Variants in FSTL5 observed in about 807,000 individuals in gnomAD.
FSTL5 encodes the protein follistatin like 5, also known as follistatin-related protein 5.
A neutral mutation model predicts 89.1 loss-of-function variants in FSTL5; 62 were observed. The observed-to-expected ratio is 0.70, with a 90% CI of 0.57 to 0.86. The LOEUF is 0.86. Among genes scored for constraint, FSTL5 ranks in the 40% least tolerant of loss-of-function variants. The pLI, the probability that FSTL5 is intolerant of heterozygous loss-of-function variation, is 0.00. For synonymous variants in FSTL5, 383 were observed against 346.2 expected (o/e 1.11, Z -1.18); for missense variants, 1,057 against 1,001.6 (o/e 1.06, Z -0.75).
At chr4:161,536,255 AC>A (rs1402613952) in intron 10 of FSTL5, among the ~76,000 whole-genome samples, 1 of 152,174 alleles carries the variant, frequency 6.6e-6, no homozygotes. Context: ...ATTATTGAAA[AC>A]ATAAAAATAA....
chr4:161,831,480 T>A (rs1730842651), intron 4 of FSTL5, among the ~76,000 whole-genome samples: 1 of 151,730 alleles, frequency 6.6e-6, no homozygotes, highest in African/African-American at 2.4e-5. Flanking sequence ...GAAATAAAAT[T>A]GAAAGTTTTA....
intron 3 of FSTL5, among the ~76,000 whole-genome samples, chr4:162,020,285 C>G (rs1190454849): frequency 6.6e-6 from 1 of 151,854 alleles, no homozygotes; most frequent in Non-Finnish European, 1.5e-5. Context: ...TTGAACAAAA[C>G]AGATTCAAGG....
At chr4:162,044,731 C>T (rs1353253145) in intron 2 of FSTL5, among the ~76,000 whole-genome samples, 1 of 152,180 alleles carries the variant, frequency 6.6e-6, no homozygotes, top group Non-Finnish European at 1.5e-5. Flanking sequence ...TTCTTAATAA[C>T]TTTCTGCAAT....
chr4:162,088,530 C>T (rs1000212271), intron 2 of FSTL5, among the ~76,000 whole-genome samples: 1 of 152,066 alleles, frequency 6.6e-6, no homozygotes, highest in Admixed American at 6.6e-5. Context: ...TGACTATTTT[C>T]ATGCATATTT....
At chr4:162,081,412 C>T (rs530816720) in intron 2 of FSTL5, among the ~76,000 whole-genome samples, 3 of 151,518 alleles carry the variant, frequency 2.0e-5, no homozygotes, top group South Asian at 2.1e-4. Context: ...CCTGGCACTT[C>T]GTTACTCAAA....
chr4:161,505,316 C>G (rs185496173), intron 11 of FSTL5, among the ~76,000 whole-genome samples: 1 of 152,288 alleles, frequency 6.6e-6, no homozygotes, highest in African/African-American at 2.4e-5. Flanking sequence ...AGAGCAAAAT[C>G]ATACCATTGC....
chr4:161,404,060 A>G, intron 15 of FSTL5, among the ~76,000 whole-genome samples: 1 of 152,210 alleles, frequency 6.6e-6, no homozygotes, highest in East Asian at 1.9e-4. Context: ...GAGTTCACAG[A>G]GTGGAATTTG....
chr4:161,821,044 T>C (rs1330335124), intron 4 of FSTL5, among the ~76,000 whole-genome samples: 1 of 152,120 alleles, frequency 6.6e-6, no homozygotes, highest in Non-Finnish European at 1.5e-5. Flanking sequence ...TCTTTGTTTG[T>C]TTGTTTGTTT....
intron 7 of FSTL5, among the ~76,000 whole-genome samples, chr4:161,588,608 TTGCCAAAATCAATTTTTTTC>T (rs1733700551): frequency 6.6e-6 from 1 of 152,104 alleles, no homozygotes; most frequent in African/African-American, 2.4e-5. Flanking sequence ...CTGGCAAAAA[TTGCCAAAATCAATTTTTTTC>T]AGAATTCTGG....
chr4:161,781,222 A>C (rs1480788658), intron 4 of FSTL5, among the ~76,000 whole-genome samples: 1 of 152,076 alleles, frequency 6.6e-6, no homozygotes, highest in African/African-American at 2.4e-5. Context: ...TGCATATATG[A>C]ATCAAATTCA....
At chr4:162,051,988 T>G (rs1738393624) in intron 2 of FSTL5, among the ~76,000 whole-genome samples, 1 of 151,480 alleles carries the variant, frequency 6.6e-6, no homozygotes. Context: ...ATAAACAAAA[T>G]TTGAATTAGA....
chr4:161,615,492 A>T (rs1253439668), intron 7 of FSTL5, among the ~76,000 whole-genome samples: 1 of 151,220 alleles, frequency 6.6e-6, no homozygotes. Context: ...GGCCTTCTAA[A>T]TAAATATGCA....
At chr4:161,867,282 T>A (rs1416060534) in intron 4 of FSTL5, among the ~76,000 whole-genome samples, 1 of 152,036 alleles carries the variant, frequency 6.6e-6, no homozygotes, top group African/African-American at 2.4e-5. Flanking sequence ...ATAAACTATA[T>A]ACTCTCTTAA....
At chr4:161,873,640 A>G (rs574890843) in intron 4 of FSTL5, among the ~76,000 whole-genome samples, 2 of 148,078 alleles carry the variant, frequency 1.4e-5, no homozygotes, top group South Asian at 4.3e-4. Flanking sequence ...TATGTCCACT[A>G]CTTATTTTAA....
At chr4:161,998,943 G>T (rs888073393) in intron 3 of FSTL5, among the ~76,000 whole-genome samples, 3 of 151,594 alleles carry the variant, frequency 2.0e-5, no homozygotes, top group South Asian at 2.1e-4. Context: ...TGTTTTGTCA[G>T]TCTAAAGATC....
intron 6 of FSTL5, among the ~76,000 whole-genome samples, chr4:161,740,486 A>C (rs546019484): frequency 3.3e-5 from 5 of 152,256 alleles, no homozygotes; most frequent in African/African-American, 9.6e-5. Context: ...AAAAAAAAGC[A>C]AGTCCAAACA....
At position 161,890,602 on chromosome 4, in the gene FSTL5, C is replaced by T. The variant is rs140702857; in HGVS notation, c.409+29802G>A. The stretch of plus-strand genomic sequence containing the variant: ...ACTCAGGAGGCTGAGGCAGGAGAAT[C>T]GCTTGAACCCGGGTGGTGGAGGTTA... On this transcript the variant is annotated intron_variant, in intron 4 of 15. Coordinates refer to ENST00000306100, the MANE Select transcript of FSTL5 (RefSeq NM_020116.5). Among the ~76,000 whole-genome samples, 913 of 148,874 alleles carry T rather than the reference C, an allele frequency of 6.1e-3. 13 individuals are homozygous for T. Among genetic ancestry groups the T allele is most frequent in the African/African-American group, 0.022 (878 of 40,486 alleles).
intron 8 of FSTL5, among the ~76,000 whole-genome samples, chr4:161,552,014 C>T (rs921920150): frequency 6.6e-6 from 1 of 151,968 alleles, no homozygotes; most frequent in Non-Finnish European, 1.5e-5. Context: ...AGAGCTTCTG[C>T]ACAGCAAAAG....
intron 3 of FSTL5, among the ~76,000 whole-genome samples, chr4:161,971,699 T>C (rs1735489301): frequency 6.6e-6 from 1 of 152,204 alleles, no homozygotes; most frequent in Non-Finnish European, 1.5e-5. Flanking sequence ...AGTCATGGTC[T>C]ATCAACTGAC....
Sources: allele counts gnomAD v4.1 joint callset (sites outside exome capture counted in the v4.1 genomes callset), GRCh38; gene constraint gnomAD v4.1.1; transcripts MANE v1.5; gene names NCBI Gene and HGNC (gene_info 2026-07-23, HGNC 2026-07-21).